Variants in PLAC1 observed in about 807,000 individuals in gnomAD.
PLAC1 encodes placenta-specific protein 1.
For synonymous variants in PLAC1, 68 were observed against 62.1 expected (o/e 1.09, Z -0.44); for missense variants, 136 against 163.2 (o/e 0.83, Z 0.91).
At chrX:134,757,792 ATATG>A (rs1340585253) in intron 1 of PLAC1, among the ~76,000 whole-genome samples, 1 of 111,333 alleles carries the variant, frequency 9.0e-6, no homozygotes, top group Non-Finnish European at 1.9e-5. Flanking sequence ...GTATATATAT[ATATG>A]TATGTTCTAT....
At chrX:134,681,293 T>C (rs967985591) in intron 2 of PLAC1, among the ~76,000 whole-genome samples, 2 of 111,057 alleles carry the variant, frequency 1.8e-5, no homozygotes, top group Non-Finnish European at 3.8e-5. Flanking sequence ...ACTTTGGTCG[T>C]TAAGAGGAGG....
At chrX:134,700,928 GA>G (rs1473174966) in intron 2 of PLAC1, among the ~76,000 whole-genome samples, 1 of 111,413 alleles carries the variant, frequency 9.0e-6, no homozygotes, top group African/African-American at 3.3e-5. Context: ...CACATAATTA[GA>G]AAAAAATTCT....
chrX:134,634,130 T>C (rs1378281882), intron 1 of PLAC1, among the ~76,000 whole-genome samples: 1 of 111,851 alleles, frequency 8.9e-6, no homozygotes, highest in African/African-American at 3.3e-5. Flanking sequence ...TGGATGTTTC[T>C]ATAAAGGGGG....
chrX:134,592,674 A>G (rs1443827750), intron 2 of PLAC1, among the ~76,000 whole-genome samples: 1 of 107,612 alleles, frequency 9.3e-6, no homozygotes, highest in African/African-American at 3.4e-5. Context: ...CCATGAGCCA[A>G]TTCCTTAATC....
chrX:134,740,847 G>T lies in PLAC1; in HGVS notation n.90-7328C>A, dbSNP rs749192919. Among the ~76,000 whole-genome samples, 8 of 111,986 alleles carry T rather than the reference G, an allele frequency of 7.1e-5. No individual in the cohort carries two copies. The East Asian group carries it at 2.3e-3, about 32-fold the overall frequency. On this transcript the variant is annotated intron_variant and non_coding_transcript_variant, in intron 1 of 2. Coordinates refer to the PLAC1 transcript ENST00000466797. ...GGAATGCCTGGAGCCACTAGCTCCA[G>T]GAAGGAAGAGGTAAGGAAGGATTCT...
intron 1 of PLAC1, among the ~76,000 whole-genome samples, chrX:134,609,983 AT>A (rs35018435): frequency 0.026 from 2,732 of 104,509 alleles, 93 homozygotes; most frequent in African/African-American, 0.088. Context: ...AGTGGAAGAA[AT>A]TTTTTTTTTT....
At chrX:134,696,755 G>A (rs1046869661) in intron 2 of PLAC1, among the ~76,000 whole-genome samples, 5 of 111,370 alleles carry the variant, frequency 4.5e-5, no homozygotes, top group African/African-American at 1.3e-4. Flanking sequence ...TTGGCCGGGC[G>A]CGGTGGCTCA....
intron 2 of PLAC1, among the ~76,000 whole-genome samples, chrX:134,596,384 C>G (rs751943985): frequency 4.1e-4 from 46 of 111,589 alleles, no homozygotes; most frequent in African/African-American, 1.3e-3. Flanking sequence ...TTTAGAGTAG[C>G]TCTGATGGAG....
intron 2 of PLAC1, among the ~76,000 whole-genome samples, chrX:134,684,764 C>T (rs917085779): frequency 8.9e-6 from 1 of 112,041 alleles, no homozygotes; most frequent in Non-Finnish European, 1.9e-5. Context: ...CATGACTGGT[C>T]TAGGATTTCT....
At chrX:134,599,386 CA>C (rs2078078158) in intron 2 of PLAC1, 1 of 111,007 alleles carries the variant, frequency 9.0e-6, no homozygotes, top group Non-Finnish European at 1.9e-5. Context: ...TGAGTTCTTA[CA>C]GGATCTGATG....
At chrX:134,677,203 C>T (rs1328861578) in intron 2 of PLAC1, among the ~76,000 whole-genome samples, 1 of 111,233 alleles carries the variant, frequency 9.0e-6, no homozygotes, top group Admixed American at 9.6e-5. Flanking sequence ...CAGTTGTGCA[C>T]TGGGAGAGAG....
intron 1 of PLAC1, among the ~76,000 whole-genome samples, chrX:134,657,563 A>C (rs2078398202): frequency 8.9e-6 from 1 of 112,198 alleles, no homozygotes; most frequent in Admixed American, 9.4e-5. Context: ...AAGAAGGACA[A>C]GTTATTAGAG....
intron 1 of PLAC1, among the ~76,000 whole-genome samples, chrX:134,762,895 AT>A (rs1288450793): frequency 1.8e-5 from 2 of 108,687 alleles, no homozygotes; most frequent in African/African-American, 3.3e-5. Flanking sequence ...AAATCAAACT[AT>A]TACATTATAG....
intron 2 of PLAC1, among the ~76,000 whole-genome samples, chrX:134,692,452 C>CCCAG (rs1172284930): frequency 3.6e-5 from 4 of 111,662 alleles, no homozygotes; most frequent in Non-Finnish European, 5.6e-5. Flanking sequence ...CACTAGTTAG[C>CCCAG]CCAGCCAGCC....
chrX:134,708,697 C>T (rs1218279637), intron 2 of PLAC1, among the ~76,000 whole-genome samples: 1 of 110,034 alleles, frequency 9.1e-6, no homozygotes, highest in East Asian at 2.8e-4. Context: ...TGCCACCACG[C>T]CTGACTAATT....
At chrX:134,657,100 T>C (rs1384899400) in intron 1 of PLAC1, among the ~76,000 whole-genome samples, 2 of 111,818 alleles carry the variant, frequency 1.8e-5, no homozygotes, top group Admixed American at 9.5e-5. Context: ...TTAACTCTGA[T>C]TGTCTCTAAC....
intron 2 of PLAC1, among the ~76,000 whole-genome samples, chrX:134,732,992 G>A (rs1355836278): frequency 1.8e-5 from 2 of 111,450 alleles, no homozygotes; most frequent in Non-Finnish European, 3.8e-5. Flanking sequence ...GACACCCACT[G>A]CTGTTTCCTC....
intron 1 of PLAC1, among the ~76,000 whole-genome samples, chrX:134,758,674 A>G (rs2078762745): frequency 8.9e-6 from 1 of 112,251 alleles, no homozygotes; most frequent in South Asian, 3.7e-4. Flanking sequence ...ACTTGAAACT[A>G]TAAAAACACT....
intron 1 of PLAC1, among the ~76,000 whole-genome samples, chrX:134,753,656 T>G (rs1569415134): frequency 9.0e-6 from 1 of 110,855 alleles, no homozygotes. Flanking sequence ...TATCCATGCT[T>G]ATTTAGATTT....
Sources: gnomAD v4.1 joint callset for allele counts (sites outside exome capture counted in the v4.1 genomes callset) on GRCh38, gnomAD v4.1.1 for gene constraint, MANE v1.5 for transcripts, NCBI Gene and HGNC (gene_info 2026-07-23, HGNC 2026-07-21) for gene names.